Variants in GBX1 observed in about 807,000 individuals in gnomAD.
The protein encoded by GBX1 is homeobox protein GBX-1.
Under a neutral mutation model 22.9 loss-of-function variants are expected in GBX1, and 9 were observed. The observed-to-expected ratio is 0.39, with a 90% CI of 0.24 to 0.69. GBX1 has a LOEUF of 0.69. GBX1 is among the 30% of genes least tolerant of loss of function. The pLI, the probability that GBX1 is intolerant of heterozygous loss-of-function variation, is 0.43. For synonymous variants in GBX1, 203 were observed against 227.3 expected (o/e 0.89, Z 0.96); for missense variants, 494 against 509.2 (o/e 0.97, Z 0.29).
rs537366536 is a variant in GBX1 at position 151,166,452 on chromosome 7, G to T, written c.538+559C>A. ...GCTTAGCTCTGAATCTGCCAATTCA[G>T]AAGTCACGGCTTTGAGACGCAACCC... On this transcript the variant is annotated intron_variant, in intron 1 of 1. Transcript: ENST00000297537. 1.1e-3 allele frequency among the ~76,000 whole-genome samples: 157 copies of T among 143,032 alleles called. 1 individual carries two copies. The highest frequency in any genetic ancestry group is 4.0e-3 in the African/African-American group (152 of 37,766). The allele number at this position is 143,032 out of a possible 152,430, so 93.8% of individuals were successfully genotyped here.
intron 1 of GBX1, among the ~76,000 whole-genome samples, chr7:151,158,384 A>G (rs1402640884): frequency 2.6e-5 from 4 of 152,240 alleles, no homozygotes; most frequent in Non-Finnish European, 5.9e-5. Flanking sequence ...TGATTTTAAC[A>G]TCAAATTGAA....
intron 1 of GBX1, 122 bp downstream of exon 1, chr7:151,166,889 T>C: frequency 1.0e-6 from 1 of 960,780 alleles, no homozygotes; most frequent in South Asian, 1.4e-5. Context: ...GCGCGCGATC[T>C]AAAGGTCTGG....
At chr7:151,160,299 C>T (rs918028599) in intron 1 of GBX1, among the ~76,000 whole-genome samples, 1 of 152,174 alleles carries the variant, frequency 6.6e-6, no homozygotes, top group African/African-American at 2.4e-5. Flanking sequence ...CACTTCTTGC[C>T]TTTACACTCA....
chr7:151,165,486 T>C (rs1665621688), intron 1 of GBX1, among the ~76,000 whole-genome samples: 3 of 152,264 alleles, frequency 2.0e-5, no homozygotes, highest in African/African-American at 7.2e-5. Flanking sequence ...TACTCTTTTT[T>C]CTGCCTTAGG....
chr7:151,158,724 T>C (rs536974703), intron 1 of GBX1, among the ~76,000 whole-genome samples: 1 of 152,262 alleles, frequency 6.6e-6, no homozygotes, highest in East Asian at 1.9e-4. Flanking sequence ...TCCTTTTCAA[T>C]ACATAGAGTG....
At chr7:151,162,804 CTT>C (rs111815011) in intron 1 of GBX1, among the ~76,000 whole-genome samples, 8,257 of 126,362 alleles carry the variant, frequency 0.065, 163 homozygotes, top group East Asian at 0.13. Flanking sequence ...TTTCTTCTGC[CTT>C]TTTTTTTTTT....
intron 1 of GBX1, among the ~76,000 whole-genome samples, chr7:151,162,803 C>CT (rs1801200518): frequency 8.6e-6 from 1 of 116,768 alleles, no homozygotes; most frequent in African/African-American, 3.2e-5. Context: ...TTTTCTTCTG[C>CT]CTTTTTTTTT....
chr7:151,151,088 C>T (rs1370919188), intron 1 of GBX1, among the ~76,000 whole-genome samples: 1 of 152,172 alleles, frequency 6.6e-6, no homozygotes, highest in Non-Finnish European at 1.5e-5. Flanking sequence ...CCATCTACAT[C>T]CCAATCAACT....
intron 1 of GBX1, among the ~76,000 whole-genome samples, chr7:151,163,197 C>T (rs1801206536): frequency 6.6e-6 from 1 of 152,036 alleles, no homozygotes; most frequent in Admixed American, 6.6e-5. Context: ...CATATCTGCA[C>T]CACATCTTGC....
At chr7:151,152,356 T>A (rs1347485660) in intron 1 of GBX1, among the ~76,000 whole-genome samples, 6 of 152,142 alleles carry the variant, frequency 3.9e-5, no homozygotes, top group Non-Finnish European at 7.3e-5. Flanking sequence ...CAGAATGCCC[T>A]CAGATCTCAC....
chr7:151,148,851 T>C lies in GBX1; in HGVS notation c.830A>G (p.Glu277Gly). ...AFTSEQLLEL[E>G]KEFHCKKYLS... Reference sequence around the variant, plus strand: ...GTATTTCTTGCAATGAAATTCCTTCTCCAATTCCAAAAGCTGCTCGCTGGT... The same window carrying C: ...GTATTTCTTGCAATGAAATTCCTTCCCCAATTCCAAAAGCTGCTCGCTGGT... The change falls in exon 2 of 2, where the codon GAG becomes GGG. Residue 277 changes from glutamate (E) to glycine (G), a missense_variant. Glu to Gly is a moderately conservative substitution (Grantham distance 98). Coordinates refer to ENST00000297537, the MANE Select transcript of GBX1 (RefSeq NM_001098834.3). This position sits in a 1 kb window ranked among gnomAD's most constrained non-coding sequence, Gnocchi z 5.1. The C allele has an allele frequency of 6.2e-7, 1 of 1,614,184 alleles. No individual in the cohort carries two copies. The highest frequency in any genetic ancestry group is 8.5e-7 in the Non-Finnish European group (1 of 1,180,034).
At chr7:151,154,452 C>G in intron 1 of GBX1, among the ~76,000 whole-genome samples, 1 of 152,156 alleles carries the variant, frequency 6.6e-6, no homozygotes, top group Non-Finnish European at 1.5e-5. Flanking sequence ...CAGAAAGGTT[C>G]TGTCCTTTAT....
At chr7:151,163,080 A>T (rs1027996732) in intron 1 of GBX1, among the ~76,000 whole-genome samples, 7 of 152,282 alleles carry the variant, frequency 4.6e-5, no homozygotes, top group African/African-American at 1.7e-4. Context: ...TGTTGGGATT[A>T]CAGGCGTGAG....
chr7:151,151,485 T>G (rs1214832241), intron 1 of GBX1, among the ~76,000 whole-genome samples: 3 of 152,190 alleles, frequency 2.0e-5, no homozygotes, highest in African/African-American at 7.2e-5. Flanking sequence ...TATTTTCCAC[T>G]TCCACAGAAC....
chr7:151,158,754 C>G (rs752625351), intron 1 of GBX1, among the ~76,000 whole-genome samples: 22 of 152,142 alleles, frequency 1.4e-4, no homozygotes, highest in Non-Finnish European at 2.8e-4. Flanking sequence ...CTACACCATT[C>G]CTAGTAACAA....
rs945483364 is a variant in GBX1, at chr7:151,148,087, C to T, written c.*502G>A. ...AAGCAGTAGGACAGACGAACTCTGG[C>T]TGAGGATTGAGGAAACAACTTTCCC... On this transcript the variant is annotated 3_prime_UTR_variant, in exon 2 of 2. Transcript: ENST00000297537. The surrounding 1 kb of genome is among the most constrained non-coding windows in gnomAD (Gnocchi z 5.1). Among the ~76,000 whole-genome samples, 3 of 152,166 alleles carry T rather than the reference C, an allele frequency of 2.0e-5. No individual in the cohort carries two copies. Among genetic ancestry groups the T allele is most frequent in the Admixed American group, 6.5e-5 (1 of 15,284 alleles).
At chr7:151,157,132 C>A (rs1801144543) in intron 1 of GBX1, among the ~76,000 whole-genome samples, 1 of 151,800 alleles carries the variant, frequency 6.6e-6, no homozygotes, top group Non-Finnish European at 1.5e-5. Flanking sequence ...CCTGTCTCTA[C>A]TAAAAATACA....
chr7:151,164,986 CAA>C (rs1801233496), intron 1 of GBX1, among the ~76,000 whole-genome samples: 3 of 151,764 alleles, frequency 2.0e-5, no homozygotes, highest in Non-Finnish European at 2.9e-5. Context: ...CACACACACA[CAA>C]ACACACACAC....
At chr7:151,161,600 A>G (rs1170092349) in intron 1 of GBX1, among the ~76,000 whole-genome samples, 1 of 152,202 alleles carries the variant, frequency 6.6e-6, no homozygotes, top group Non-Finnish European at 1.5e-5. Context: ...ATAGTTTAAA[A>G]CAGAACTTGT....
Sources: gnomAD v4.1 joint callset for allele counts (sites outside exome capture counted in the v4.1 genomes callset) on GRCh38, gnomAD v4.1.1 for gene constraint, Gnocchi (gnomAD v3.1) non-coding constraint, MANE v1.5 for transcripts, NCBI Gene and HGNC (gene_info 2026-07-23, HGNC 2026-07-21) for gene names.